The following MTUS2 variants were observed in gnomAD, a reference collection of about 807,000 sequenced individuals.
The protein encoded by MTUS2 is microtubule-associated tumor suppressor candidate 2.
MTUS2 carries 40 observed loss-of-function variants against 114.1 expected under a neutral mutation model. The observed-to-expected ratio is 0.35, with a 90% CI of 0.27 to 0.46. MTUS2 has a LOEUF of 0.46. Among genes scored for constraint, MTUS2 ranks in the 20% least tolerant of loss-of-function variants. MTUS2 has a pLI of 1.00. For synonymous variants in MTUS2, 688 were observed against 672.0 expected, an observed-to-expected ratio of 1.02 and a Z score of -0.37; for missense variants, 1,679 against 1,705.4, an observed-to-expected ratio of 0.98 and a Z score of 0.27.
intron 5 of MTUS2, among the ~76,000 whole-genome samples, chr13:29,130,720 C>T (rs113190783): frequency 1.3e-5 from 2 of 151,962 alleles, no homozygotes; most frequent in Non-Finnish European, 2.9e-5. Context: ...CCACCTCCTG[C>T]GTTCAAGTGA....
At chr13:29,348,409 A>ATG (rs1364891420) in intron 7 of MTUS2, among the ~76,000 whole-genome samples, 2 of 62,156 alleles carry the variant, frequency 3.2e-5, no homozygotes, top group Admixed American at 2.3e-4. Context: ...GAGACCAAAT[A>ATG]TATATTTCTT....
In MTUS2 at chr13:29,480,059, G is replaced by T. The variant is rs148597957; in HGVS notation, c.3185-91G>T. On this transcript the variant is annotated intron_variant, in intron 9 of 15. Coordinates refer to ENST00000612955, the MANE Select transcript of MTUS2 (RefSeq NM_001033602.4). The surrounding 1 kb of genome is among the most constrained non-coding windows in gnomAD (Gnocchi z 4.4). ...CAGAGGACCTCGCCCTGTTTATTAC[G>T]CCAGCCTTGATGATCTGACCATGGA... is the stretch of plus-strand genomic sequence containing the variant. 1 of 1,324,438 alleles carries T rather than the reference G, an allele frequency of 7.6e-7. No homozygotes were observed. The highest frequency in any genetic ancestry group is 1.4e-5 in the South Asian group (1 of 73,772). The allele number at this position is 1,324,438 out of a possible 1,614,324, so 82.0% of individuals were successfully genotyped here. A position where few individuals can be genotyped will look rare whatever the true frequency, so the allele number is the denominator to read the frequency against.
At chr13:29,372,351 T>C (rs1871261810) in intron 8 of MTUS2, among the ~76,000 whole-genome samples, 1 of 152,088 alleles carries the variant, frequency 6.6e-6, no homozygotes, top group Non-Finnish European at 1.5e-5. Context: ...CAGCATTCAG[T>C]ATCTGCAATG....
intron 5 of MTUS2, among the ~76,000 whole-genome samples, chr13:29,248,125 T>A (rs1248555159): frequency 1.3e-5 from 2 of 152,206 alleles, no homozygotes; most frequent in Non-Finnish European, 2.9e-5. Flanking sequence ...GAGACCATTA[T>A]CCTAAGTGAA....
chr13:29,464,819 G>A (rs1345853656), intron 9 of MTUS2, among the ~76,000 whole-genome samples: 3 of 152,216 alleles, frequency 2.0e-5, no homozygotes, highest in Non-Finnish European at 4.4e-5. Flanking sequence ...CATCACCTGG[G>A]AATGTGTTAG....
intron 8 of MTUS2, among the ~76,000 whole-genome samples, chr13:29,391,207 A>G (rs1873431943): frequency 6.6e-6 from 1 of 152,136 alleles, no homozygotes; most frequent in African/African-American, 2.4e-5. Context: ...CTTGTGCCTT[A>G]GCCTCCCAAG....
At chr13:29,132,530 C>T (rs1891810676) in intron 5 of MTUS2, among the ~76,000 whole-genome samples, 2 of 152,128 alleles carry the variant, frequency 1.3e-5, no homozygotes, top group Admixed American at 6.5e-5. Context: ...CCCTCCAGCC[C>T]CTGGAAACCA....
At chr13:28,829,530 TA>T (rs35896652) in intron 1 of MTUS2, among the ~76,000 whole-genome samples, 72,191 of 147,748 alleles carry the variant, frequency 0.49, 17,843 homozygotes, top group Non-Finnish European at 0.53. Flanking sequence ...GGACTCCGTC[TA>T]AAAAAAAAAA....
intron 2 of MTUS2, among the ~76,000 whole-genome samples, chr13:28,862,963 A>G (rs900623913): frequency 2.0e-5 from 3 of 152,174 alleles, no homozygotes; most frequent in African/African-American, 7.2e-5. Context: ...TTGTTGTTTT[A>G]TATTTTCAGA....
intron 5 of MTUS2, among the ~76,000 whole-genome samples, chr13:29,156,045 T>G (rs1244766184): frequency 2.0e-5 from 3 of 152,016 alleles, no homozygotes; most frequent in Non-Finnish European, 4.4e-5. Flanking sequence ...TTGAAAGTAC[T>G]CTTACCTATT....
At chr13:29,432,582 A>G (rs1275155754) in intron 8 of MTUS2, among the ~76,000 whole-genome samples, 2 of 152,294 alleles carry the variant, frequency 1.3e-5, no homozygotes, top group East Asian at 1.9e-4. Flanking sequence ...GAGTTGCTCT[A>G]TAAGAATCTG....
intron 8 of MTUS2, among the ~76,000 whole-genome samples, chr13:29,362,409 C>A (rs901145332): frequency 3.9e-5 from 6 of 152,174 alleles, no homozygotes. Flanking sequence ...AGTCAAAGCC[C>A]TTGAAGAGCT....
intron 6 of MTUS2, among the ~76,000 whole-genome samples, chr13:29,295,402 C>G (rs954456445): frequency 2.6e-5 from 4 of 152,132 alleles, no homozygotes; most frequent in Non-Finnish European, 4.4e-5. Flanking sequence ...ATCCATTAAC[C>G]AACTTCTTCC....
At chr13:29,220,485 T>C (rs552267558) in intron 5 of MTUS2, among the ~76,000 whole-genome samples, 23 of 152,304 alleles carry the variant, frequency 1.5e-4, no homozygotes, top group Non-Finnish European at 3.1e-4. Context: ...GACTGAACAC[T>C]TAGAGCTCAT....
At chr13:29,245,755 G>C (rs1299456551) in intron 5 of MTUS2, among the ~76,000 whole-genome samples, 3 of 145,008 alleles carry the variant, frequency 2.1e-5, no homozygotes, top group Non-Finnish European at 3.0e-5. Context: ...GGAGTGCAGT[G>C]GCACGACCTC....
At chr13:29,282,177 G>A (rs1898301579) in intron 6 of MTUS2, among the ~76,000 whole-genome samples, 1 of 152,194 alleles carries the variant, frequency 6.6e-6, no homozygotes, top group Non-Finnish European at 1.5e-5. Context: ...CGATATCATC[G>A]CAAGGACTGT....
chr13:29,430,005 G>T (rs1235752640), intron 8 of MTUS2, among the ~76,000 whole-genome samples: 1 of 152,138 alleles, frequency 6.6e-6, no homozygotes, highest in Non-Finnish European at 1.5e-5. Flanking sequence ...ATTTGGCTTT[G>T]CTACCATGAG....
rs1364088948 is a variant in MTUS2 at position 29,100,888 on chromosome 13, T to C, written c.2562T>C (p.Phe854=). ...CAGCCAAACTGGCGGCATTTGGCTT[T>C]GTCCGGAGCTCCAGCGTCTCCTCAG... is the stretch of plus-strand genomic sequence containing the variant. The part of the protein sequence containing the change: ...LPAAKLAAFG[F]VRSSSVSSVS... Residue 854 remains phenylalanine (F), a synonymous_variant, in exon 5 of 16, where the codon TTT becomes TTC. Transcript: ENST00000612955. 1.9e-6 allele frequency: 3 copies of C among 1,566,544 alleles called. No homozygotes were observed. The highest frequency in any genetic ancestry group is 2.6e-6 in the Non-Finnish European group (3 of 1,155,402).
At chr13:29,475,027 A>T (rs1880591694) in intron 9 of MTUS2, among the ~76,000 whole-genome samples, 1 of 152,146 alleles carries the variant, frequency 6.6e-6, no homozygotes, top group African/African-American at 2.4e-5. Flanking sequence ...CATTTTTCTT[A>T]TTATTTTCAT....
Sources: gnomAD v4.1 joint callset for allele counts (sites outside exome capture counted in the v4.1 genomes callset) on GRCh38, gnomAD v4.1.1 for gene constraint, Gnocchi (gnomAD v3.1) non-coding constraint, MANE v1.5 for transcripts, NCBI Gene and HGNC (gene_info 2026-07-23, HGNC 2026-07-21) for gene names.